The following LGI2 variants were observed in gnomAD, a reference collection of about 807,000 sequenced individuals.
LGI2 encodes the protein leucine rich repeat LGI family member 2.
In LGI2, 30 loss-of-function variants were observed where a neutral mutation model predicts 52.0. The ratio of observed to expected loss-of-function variants is 0.58; its 90% confidence interval spans 0.43 to 0.78. The LOEUF (loss-of-function observed/expected upper bound fraction) is 0.78, where lower values mean the gene tolerates loss of function less well. LGI2 is among the 30% of genes least tolerant of loss of function. The pLI is 0.00. For synonymous variants in LGI2, 270 were observed against 271.8 expected, an observed-to-expected ratio of 0.99 and a Z score of 0.06; for missense variants, 573 against 692.5, an observed-to-expected ratio of 0.83 and a Z score of 1.94.
intron 4 of LGI2, among the ~76,000 whole-genome samples, chr4:25,020,427 C>T (rs536857958): frequency 3.9e-5 from 6 of 152,286 alleles, no homozygotes; most frequent in South Asian, 2.1e-4. Flanking sequence ...TGTAGAAAGA[C>T]GTGGAGTGTT....
At chr4:25,011,591 C>T (rs142618693) in intron 7 of LGI2, among the ~76,000 whole-genome samples, 1,925 of 152,294 alleles carry the variant, frequency 0.013, 19 homozygotes, top group Non-Finnish European at 0.019. Flanking sequence ...AACAGTAAAA[C>T]GCTGCTCTAA....
intron 3 of LGI2, among the ~76,000 whole-genome samples, chr4:25,025,909 T>G (rs1340601880): frequency 6.6e-6 from 1 of 152,214 alleles, no homozygotes. Context: ...AACTGCTACC[T>G]CCATTGGCTA....
Position 25,018,119 on chromosome 4 carries a change from G to A in LGI2, c.525C>T (p.Ala175=), listed in dbSNP as rs199797130. The change falls in exon 6 of 8, where the codon GCC becomes GCT. Residue 175 remains alanine, a synonymous_variant. Coordinates refer to ENST00000382114, the MANE Select transcript of LGI2 (RefSeq NM_018176.4). ...TCTTCAACCACAGGTATAGCCACTT[G>A]GCTTTGCAGTCACATTCAAATTTAT... ...RGNKFECDCK[A]KWLYLWLKMT... is the part of the protein sequence containing the mutation. 6 of 1,609,648 alleles carry A rather than the reference G, an allele frequency of 3.7e-6. No homozygotes were observed. The Admixed American group carries it at 5.1e-5, about 14-fold the overall frequency.
chr4:24,998,199 C>A (rs1369468477), downstream of LGI2, among the ~76,000 whole-genome samples: 4 of 152,086 alleles, frequency 2.6e-5, no homozygotes, highest in Non-Finnish European at 2.9e-5. Context: ...TTTATCTAAA[C>A]CTTGTATTGT....
At chr4:24,994,114 A>C (rs1412489730), downstream of LGI2, among the ~76,000 whole-genome samples, 1 of 152,186 alleles carries the variant, frequency 6.6e-6, no homozygotes, top group Non-Finnish European at 1.5e-5. Context: ...CAAATAAAAA[A>C]CCTAAAAGGG....
Position 25,030,644 on chromosome 4 carries a change from A to C in LGI2, c.50T>G (p.Leu17Arg). 1.3e-6 allele frequency: 2 copies of C among 1,537,250 alleles called. No individual in the cohort carries two copies. Among genetic ancestry groups the C allele is most frequent in the Non-Finnish European group, 1.8e-6 (2 of 1,142,118 alleles). ...CGGTATCAGGCACGCGGCGCCCAGC[A>C]GCAGCAGCAGCAGCCCGAGCGCTCC... ...GCGALGLLLLLLGAACLIPRS... is the reference protein window; with the variant it reads ...GCGALGLLLLRLGAACLIPRS... The change falls in exon 1 of 8, where the codon CTG (leucine) becomes CGG (arginine). Residue 17 changes from leucine (L) to arginine (R), a missense_variant. Physicochemically the swap from Leu to Arg is moderately radical, Grantham distance 102. Transcript: ENST00000382114.
At chr4:24,994,176 C>T (rs180814659), downstream of LGI2, among the ~76,000 whole-genome samples, 1 of 152,138 alleles carries the variant, frequency 6.6e-6, no homozygotes, top group Non-Finnish European at 1.5e-5. Context: ...TTTCTCATCA[C>T]CTGCACTACA....
Position 25,012,361 on chromosome 4 carries a change from T to C in LGI2, c.794A>G (p.Asn265Ser), listed in dbSNP as rs753243791. ...TGTAATGTTGTCATAGCTCCGGAAA[T>C]TCATTTCAATGTGGTCCCACTCCAG... ...MVLEWDHIEM[N>S]FRSYDNITGQ... The change falls in exon 7 of 8, where the codon AAT becomes AGT. Residue 265 changes from asparagine (N) to serine (S), a missense_variant. Physicochemically the swap from Asn to Ser is conservative, Grantham distance 46. Coordinates refer to ENST00000382114, the MANE Select transcript of LGI2 (RefSeq NM_018176.4). 2 of 1,614,218 alleles carry C rather than the reference T, an allele frequency of 1.2e-6. No homozygotes were observed. Among genetic ancestry groups the C allele is most frequent in the East Asian group, 4.5e-5 (2 of 44,890 alleles).
intron 2 of LGI2, 36 bp from the exon 3 acceptor site, chr4:25,026,975 A>T: frequency 1.3e-6 from 2 of 1,484,180 alleles, no homozygotes; most frequent in Non-Finnish European, 1.9e-6. Flanking sequence ...GGAGAGATGT[A>T]AAACTTGAGT....
chr4:25,008,022 A>G (rs1725448593), intron 7 of LGI2, among the ~76,000 whole-genome samples: 1 of 152,202 alleles, frequency 6.6e-6, no homozygotes, highest in Non-Finnish European at 1.5e-5. Flanking sequence ...CACGTGTGCT[A>G]TAGGGCTTTC....
At chr4:25,010,973 T>G (rs1725562248) in intron 7 of LGI2, among the ~76,000 whole-genome samples, 1 of 151,790 alleles carries the variant, frequency 6.6e-6, no homozygotes, top group Non-Finnish European at 1.5e-5. Flanking sequence ...TCCCAGCTAC[T>G]TGGGAGGCTG....
intron 4 of LGI2, among the ~76,000 whole-genome samples, chr4:25,019,969 T>C (rs182299101): frequency 6.6e-6 from 1 of 152,344 alleles, no homozygotes; most frequent in Admixed American, 6.5e-5. Context: ...AGGTACTCAG[T>C]ATATCTTTGC....
chr4:24,997,863 G>A (rs980931231), downstream of LGI2, among the ~76,000 whole-genome samples: 5 of 151,290 alleles, frequency 3.3e-5, no homozygotes, highest in African/African-American at 4.9e-5. Flanking sequence ...TTAGTCACAC[G>A]CTGTTTTGTG....
intron 3 of LGI2, 117 bp downstream of exon 3, chr4:25,026,751 T>A (rs1342886808): frequency 1.3e-6 from 1 of 775,832 alleles, no homozygotes; most frequent in African/African-American, 1.7e-5. Flanking sequence ...GAATGGGGTG[T>A]TCTCCAGTTT....
the LGI2 span, among the ~76,000 whole-genome samples, chr4:24,993,311 G>T: frequency 6.6e-6 from 1 of 152,150 alleles, no homozygotes; most frequent in Non-Finnish European, 1.5e-5. Context: ...GTGACCCGGG[G>T]AAGCTCTCAA....
intron 7 of LGI2, among the ~76,000 whole-genome samples, chr4:25,010,628 T>C (rs1389686991): frequency 6.6e-6 from 1 of 152,194 alleles, no homozygotes; most frequent in Non-Finnish European, 1.5e-5. Context: ...AAACCTGAGC[T>C]CTTTCTAGTA....
chr4:25,025,988 T>C (rs1375822703), intron 3 of LGI2, among the ~76,000 whole-genome samples: 1 of 152,164 alleles, frequency 6.6e-6, no homozygotes. Flanking sequence ...ATACTATGTA[T>C]ATGATAATAT....
Position 25,030,665 on chromosome 4 carries a change from G to T in LGI2, c.29C>A (p.Ala10Glu), listed in dbSNP as rs1357650222. 6.6e-7 allele frequency: 1 copy of T among 1,521,156 alleles called. No homozygotes were observed. Among genetic ancestry groups the T allele is most frequent in the Admixed American group, 2.0e-5 (1 of 49,046 alleles). 94.2% of individuals were successfully genotyped at this position (1,521,156 alleles called of 1,614,324 possible). A position where few individuals can be genotyped will look rare whatever the true frequency, so the allele number is the denominator to read the frequency against. MALRRGGCG[A>E]LGLLLLLLGA... The stretch of plus-strand genomic sequence containing the variant: ...CAGCAGCAGCAGCAGCAGCCCGAGC[G>T]CTCCGCAGCCGCCTCTCCGCAGCGC... Residue 10 changes from alanine to glutamate, a missense_variant, in exon 1 of 8, where the codon GCG becomes GAG. Ala to Glu is a moderately radical substitution (Grantham distance 107, BLOSUM62 -1). Coordinates refer to ENST00000382114, the MANE Select transcript of LGI2 (RefSeq NM_018176.4).
intron 2 of LGI2, among the ~76,000 whole-genome samples, chr4:25,028,275 C>A (rs1726209396): frequency 6.6e-6 from 1 of 152,108 alleles, no homozygotes; most frequent in Admixed American, 6.5e-5. Flanking sequence ...GTGTTGGGAT[C>A]TACAATAAAG....
Sources: gnomAD v4.1 joint callset for allele counts (sites outside exome capture counted in the v4.1 genomes callset) on GRCh38, gnomAD v4.1.1 for gene constraint, MANE v1.5 for transcripts, NCBI Gene and HGNC (gene_info 2026-07-23, HGNC 2026-07-21) for gene names.